Variants in DCST2 observed in about 807,000 individuals in gnomAD.
DCST2 encodes the protein DC-STAMP domain-containing protein 2.
DCST2 carries 64 observed loss-of-function variants against 81.8 expected under a neutral mutation model. The observed-to-expected ratio is 0.78, with a 90% CI of 0.64 to 0.96. The LOEUF (loss-of-function observed/expected upper bound fraction) is 0.96, where lower values mean the gene tolerates loss of function less well. DCST2 is among the 40% of genes least tolerant of loss of function. DCST2 has a pLI of 0.00. For synonymous variants in DCST2, 354 were observed against 402.6 expected (o/e 0.88, Z 1.44); for missense variants, 945 against 1,001.4 (o/e 0.94, Z 0.76).
Position 155,026,731 on chromosome 1 carries a change from T to C in DCST2, c.1343-16A>G, listed in dbSNP as rs1390186512. 4 of 1,613,358 alleles carry C rather than the reference T, an allele frequency of 2.5e-6. No individual in the cohort carries two copies. The highest frequency in any genetic ancestry group is 1.3e-5 in the African/African-American group (1 of 74,910). On this transcript the variant is annotated splice_polypyrimidine_tract_variant and intron_variant, in intron 8 of 14. Coordinates refer to ENST00000368424, the MANE Select transcript of DCST2 (RefSeq NM_144622.3). ...AACACAGGACCTGGCACAAAGACACTGTGTGAGTGACACTCATGGCAGTTG... is the reference window on the plus strand; with the variant it reads ...AACACAGGACCTGGCACAAAGACACCGTGTGAGTGACACTCATGGCAGTTG...
chr1:155,020,031 G>C (rs181768622), intron 14 of DCST2, among the ~76,000 whole-genome samples: 82 of 151,954 alleles, frequency 5.4e-4, no homozygotes, highest in African/African-American at 1.7e-3. Flanking sequence ...AGTGGGCTCA[G>C]CTGCTCAGGG....
chr1:155,031,009 G>T (rs1267890480), intron 5 of DCST2, 160 bp downstream of exon 5: 3 of 789,984 alleles, frequency 3.8e-6, no homozygotes, highest in Non-Finnish European at 6.0e-6. Context: ...TTCCTGATCT[G>T]TACAGCATGG....
rs754549248 is a variant in DCST2, at chr1:155,031,121, A to C, written c.805+48T>G. 10 of 1,557,650 alleles carry C rather than the reference A, an allele frequency of 6.4e-6. No individual in the cohort carries two copies. In the African/African-American group the frequency reaches 1.4e-4, roughly 22 times the overall value. On this transcript the variant is annotated intron_variant, in intron 5 of 14. Coordinates refer to ENST00000368424, the MANE Select transcript of DCST2 (RefSeq NM_144622.3). ...GGCCATGGCCACACCGGGATGAGGG[A>C]GGGAGACCACTAGGGAGCACCATAT...
chr1:155,026,387 AG>A lies in DCST2; in HGVS notation c.1525del (p.Leu509TyrfsTer40). On this transcript the variant is annotated frameshift_variant, in exon 10 of 15. Coordinates refer to ENST00000368424, the MANE Select transcript of DCST2 (RefSeq NM_144622.3). LOFTEE classifies it high-confidence loss of function. ...GCCAAACAGGGTGATGAAGAAGCAT[AG>A]GCCATACATGACGCCTGGGAGCACA... is the stretch of plus-strand genomic sequence containing the variant. ...GYIVIGVMYG[L>X]CFFITLFGSY... 1 of 1,613,852 alleles carries A rather than the reference AG, an allele frequency of 6.2e-7. No individual in the cohort carries two copies. Among genetic ancestry groups the A allele is most frequent in the Non-Finnish European group, 8.5e-7 (1 of 1,180,032 alleles).
chr1:155,030,707 C>T, intron 5 of DCST2, 62 bp from the exon 6 acceptor site: 3 of 1,578,822 alleles, frequency 1.9e-6, no homozygotes, highest in Admixed American at 3.4e-5. Flanking sequence ...TGGAGCTGCC[C>T]CTGGGGAGGG....
chr1:155,031,360 C>T, intron 4 of DCST2, 126 bp from the exon 5 acceptor site: 1 of 1,088,726 alleles, frequency 9.2e-7, no homozygotes, highest in Non-Finnish European at 1.3e-6. Context: ...TTGCTCAAAA[C>T]CTTGTAGCAC....
rs1340057809 is a variant in DCST2, at chr1:155,033,494, T to A, written c.208A>T (p.Met70Leu). The A allele has an allele frequency of 1.2e-6, 2 of 1,613,832 alleles. No homozygotes were observed. The highest frequency in any genetic ancestry group is 1.7e-6 in the Non-Finnish European group (2 of 1,179,958). The part of the protein sequence containing the change: ...LTLAAFLSLG[M>L]GFSRQVRATV... ...GCTCGGACCTGGCGAGAGAATCCCA[T>A]GCCCAGGCTAAGGAAGGCAGCCAAA... Residue 70 changes from methionine to leucine, a missense_variant, in exon 1 of 15, where the codon ATG becomes TTG. Transcript: ENST00000368424.
In DCST2 at chr1:155,018,566, G is replaced by A; in HGVS notation, c.2300C>T (p.Pro767Leu). 3.7e-6 allele frequency: 6 copies of A among 1,613,394 alleles called. No individual in the cohort carries two copies. Among genetic ancestry groups the A allele is most frequent in the Non-Finnish European group, 5.1e-6 (6 of 1,179,700 alleles). Reference sequence around the variant, plus strand: ...GGTTTATTTGGGGGGTGGGTGGGAAGGATCAGGAAGAGAGGGAGGTGAGAG... The same window carrying A: ...GGTTTATTTGGGGGGTGGGTGGGAAAGATCAGGAAGAGAGGGAGGTGAGAG... Reference protein sequence around the residue: ...VPLSPPSLPDPSHPPPK With the variant: ...VPLSPPSLPDLSHPPPK The change falls in exon 15 of 15, where the codon CCT becomes CTT. Residue 767 changes from proline (P) to leucine (L), a missense_variant. Coordinates refer to ENST00000368424, the MANE Select transcript of DCST2 (RefSeq NM_144622.3).
chr1:155,025,378 G>A (rs1369014278), intron 10 of DCST2, among the ~76,000 whole-genome samples: 1 of 151,998 alleles, frequency 6.6e-6, no homozygotes, highest in Non-Finnish European at 1.5e-5. Context: ...CGCCAGGCTG[G>A]AGTGCAGTTG....
chr1:155,029,908 A>G (rs903975135), intron 7 of DCST2, among the ~76,000 whole-genome samples, 176 bp downstream of exon 7: 2 of 152,326 alleles, frequency 1.3e-5, no homozygotes, highest in Admixed American at 1.3e-4. Flanking sequence ...AGGACCGGGC[A>G]GTGTCTTCCC....
rs1210241985 is a variant in DCST2 at position 155,029,226 on chromosome 1, C to G, written c.1342+7G>C. The G allele has an allele frequency of 1.2e-6, 2 of 1,612,674 alleles. No individual in the cohort carries two copies. Among genetic ancestry groups the G allele is most frequent in the African/African-American group, 2.7e-5 (2 of 74,922 alleles). On this transcript the variant is annotated splice_region_variant and intron_variant, in intron 8 of 14. Transcript: ENST00000368424. ...GAGTGGGAGGAGGCTGTCACGTAGGCACTCACTGCGGGCCACAATCTCCCC... is the reference window on the plus strand; with the variant it reads ...GAGTGGGAGGAGGCTGTCACGTAGGGACTCACTGCGGGCCACAATCTCCCC...
Position 155,031,640 on chromosome 1 carries a change from G to T in DCST2, c.673C>A (p.Pro225Thr), listed in dbSNP as rs1660087776. 3.7e-6 allele frequency: 6 copies of T among 1,614,110 alleles called. No individual in the cohort carries two copies. In the East Asian group the frequency reaches 1.1e-4, roughly 30 times the overall value. Residue 225 changes from proline (P) to threonine (T), a missense_variant, in exon 4 of 15, where the codon CCA (proline) becomes ACA (threonine). By Grantham distance (38) the Pro-to-Thr change is conservative. Transcript: ENST00000368424. ...DAKDSCMMVI[P>T]QAYHLCYVLM... ...ACGTAACACAGGTGGTAGGCTTGTGGTATGACCATCATGCAGCTGTCCTTG... is the reference window on the plus strand; with the variant it reads ...ACGTAACACAGGTGGTAGGCTTGTGTTATGACCATCATGCAGCTGTCCTTG...
At position 155,030,618 on chromosome 1, in the gene DCST2, C is replaced by G; in HGVS notation, c.833G>C (p.Arg278Pro). 1.2e-6 allele frequency: 2 copies of G among 1,614,076 alleles called. No homozygotes were observed. The highest frequency in any genetic ancestry group is 1.7e-6 in the Non-Finnish European group (2 of 1,180,022). Residue 278 changes from arginine to proline, a missense_variant, in exon 6 of 15, where the codon CGT (arginine) becomes CCT (proline). Transcript: ENST00000368424. ...TPVIQLLNRV[R>P]QEFEFNMTAT... ...TGTCATGTTGAACTCAAACTCCTGA[C>G]GCACCCGGTTGAGCAACTGAATCAC...
Position 155,029,330 on chromosome 1 carries a change from G to C in DCST2, c.1245C>G (p.His415Gln). The change falls in exon 8 of 15, where the codon CAC (histidine) becomes CAG (glutamine). Residue 415 changes from histidine to glutamine, a missense_variant. His to Gln is a conservative substitution (Grantham distance 24). Coordinates refer to ENST00000368424, the MANE Select transcript of DCST2 (RefSeq NM_144622.3). The part of the protein sequence containing the change: ...YILETFNLIR[H>Q]LLLVLFLVFL... ...AGACTAGGAACAGCACGAGGAGGAG[G>C]TGTCGGATAAGGTTGAAGGTCTCCA... The C allele has an allele frequency of 6.2e-7, 1 of 1,614,098 alleles. No homozygotes were observed.
At chr1:155,025,322 TTTG>T (rs1201652793) in intron 10 of DCST2, among the ~76,000 whole-genome samples, 1 of 151,556 alleles carries the variant, frequency 6.6e-6, no homozygotes, top group Non-Finnish European at 1.5e-5. Context: ...GGGTTTTTTG[TTTG>T]TTTTGTTTTG....
intron 2 of DCST2, 121 bp downstream of exon 2, chr1:155,032,971 TTC>T (rs1350778860): frequency 1.7e-6 from 2 of 1,204,562 alleles, no homozygotes; most frequent in Non-Finnish European, 2.3e-6. Context: ...CCAGAGTCCC[TTC>T]CAGGCCCAGA....
chr1:155,032,514 G>A (rs943331318), intron 3 of DCST2, among the ~76,000 whole-genome samples, 153 bp downstream of exon 3: 14 of 151,342 alleles, frequency 9.3e-5, no homozygotes, highest in African/African-American at 3.4e-4. Context: ...ACAGGGTCTC[G>A]CCATGTTGCC....
At chr1:155,029,207 G>C (rs1225794077) in intron 8 of DCST2, 26 bp downstream of exon 8, 1 of 1,610,500 alleles carries the variant, frequency 6.2e-7, no homozygotes, top group South Asian at 1.1e-5. Flanking sequence ...GGGTGAGTGG[G>C]AGGAGGCTGT....
chr1:155,024,778 C>T (rs12134825), intron 10 of DCST2, among the ~76,000 whole-genome samples, 176 bp from the exon 11 acceptor site: 363 of 152,332 alleles, frequency 2.4e-3, no homozygotes, highest in South Asian at 0.011. Context: ...GTGGAGTTAC[C>T]ACTCTCTCCT....
Sources: gnomAD v4.1 joint callset for allele counts (sites outside exome capture counted in the v4.1 genomes callset) on GRCh38, gnomAD v4.1.1 for gene constraint, MANE v1.5 for transcripts, NCBI Gene and HGNC (gene_info 2026-07-23, HGNC 2026-07-21) for gene names.